The following MEGF8 variants were observed in gnomAD, a reference collection of about 807,000 sequenced individuals.
The protein encoded by MEGF8 is multiple epidermal growth factor-like domains protein 8.
Under a neutral mutation model 302.9 loss-of-function variants are expected in MEGF8, and 156 were observed. That is an observed-to-expected ratio of 0.52 (90% confidence interval 0.45 to 0.59). The LOEUF is 0.59. Among genes scored for constraint, MEGF8 ranks in the 20% least tolerant of loss-of-function variants. The pLI, the probability that MEGF8 is intolerant of heterozygous loss-of-function variation, is 0.00. For missense variants in MEGF8, 3,345 were observed against 3,964.5 expected, an observed-to-expected ratio of 0.84 and a Z score of 4.20; for synonymous variants, 1,621 against 1,660.5, an observed-to-expected ratio of 0.98 and a Z score of 0.58.
At chr19:42,335,667 G>A (rs969320152) in intron 5 of MEGF8, among the ~76,000 whole-genome samples, 1 of 152,002 alleles carries the variant, frequency 6.6e-6, no homozygotes, top group Admixed American at 6.6e-5. Context: ...CTCTGTTTCT[G>A]TGTCTCCATC....
In MEGF8 at chr19:42,336,904, C is replaced by T. The variant is rs397514621; in HGVS notation, c.1342C>T (p.Arg448Ter). ...GRDGLQGPRE[R>*]AFHTASVLGN... ...GGATGGGCTTCAGGGCCCAAGGGAG[C>T]GAGCCTTCCACACAGCCAGTGTTCT... Residue 448 changes from arginine to a stop codon, truncating the protein, a stop_gained, in exon 7 of 42, where the codon CGA (arginine) becomes TGA (stop). Transcript: ENST00000251268. LOFTEE classifies it high-confidence loss of function. The surrounding 1 kb of genome is among the most constrained non-coding windows in gnomAD (Gnocchi z 4.8). The T allele has an allele frequency of 3.7e-6, 6 of 1,613,440 alleles. No homozygotes were observed. The highest frequency in any genetic ancestry group is 2.2e-5 in the East Asian group (1 of 44,882).
intron 1 of MEGF8, among the ~76,000 whole-genome samples, chr19:42,326,647 A>G (rs1050902968): frequency 2.6e-5 from 4 of 151,936 alleles, no homozygotes; most frequent in Non-Finnish European, 4.4e-5. Context: ...ATTACAAGAC[A>G]GGAGCATCAG....
chr19:42,350,539 T>C (rs528522240), intron 15 of MEGF8, among the ~76,000 whole-genome samples, 155 bp downstream of exon 15: 2 of 152,192 alleles, frequency 1.3e-5, no homozygotes, highest in South Asian at 2.1e-4. Context: ...GATGGAGCTG[T>C]AGAGAGAGGC....
At position 42,353,208 on chromosome 19, in the gene MEGF8, G is replaced by A; in HGVS notation, c.3550+81G>A. The A allele has an allele frequency of 1.5e-6, 2 of 1,344,796 alleles. No homozygotes were observed. Among genetic ancestry groups the A allele is most frequent in the Non-Finnish European group, 2.0e-6 (2 of 999,402 alleles). The allele number at this position is 1,344,796 out of a possible 1,614,324, so 83.3% of individuals were successfully genotyped here. ...GGGGCTCCAGTTTGCTCTTCTTGGA[G>A]GGGGCCTCAGTGTCCTCTCATGCAG... is the stretch of plus-strand genomic sequence containing the variant. On this transcript the variant is annotated intron_variant, in intron 20 of 41. Coordinates refer to ENST00000251268, the MANE Select transcript of MEGF8 (RefSeq NM_001271938.2). The surrounding 1 kb of genome is among the most constrained non-coding windows in gnomAD (Gnocchi z 6.1).
At chr19:42,341,912 C>T (rs548095892) in intron 8 of MEGF8, among the ~76,000 whole-genome samples, 65 of 152,198 alleles carry the variant, frequency 4.3e-4, no homozygotes, top group Non-Finnish European at 7.3e-4. Context: ...GCAAGTTGGG[C>T]GTATCACTTC....
chr19:42,335,561 T>C (rs958785978), intron 5 of MEGF8, among the ~76,000 whole-genome samples, 176 bp downstream of exon 5: 2 of 152,164 alleles, frequency 1.3e-5, no homozygotes, highest in Non-Finnish European at 2.9e-5. Context: ...TTCTTCCTCT[T>C]CCTTTATCTG....
At position 42,344,965 on chromosome 19, in the gene MEGF8, A is replaced by G; in HGVS notation, c.2097+132A>G. ...TACATTCAAGGGTCTTATTTTCCTT[A>G]TGGACTTTATTTTTTATTTTTTTTG... On this transcript the variant is annotated intron_variant, in intron 12 of 41. Coordinates refer to ENST00000251268, the MANE Select transcript of MEGF8 (RefSeq NM_001271938.2). The surrounding 1 kb of genome is among the most constrained non-coding windows in gnomAD (Gnocchi z 4.5). 3 of 1,022,368 alleles carry G rather than the reference A, an allele frequency of 2.9e-6. No individual in the cohort carries two copies. The highest frequency in any genetic ancestry group is 4.0e-6 in the Non-Finnish European group (3 of 758,454). The allele number at this position is 1,022,368 out of a possible 1,614,324, so 63.3% of individuals were successfully genotyped here. A position where few individuals can be genotyped will look rare whatever the true frequency, so the allele number is the denominator to read the frequency against.
chr19:42,361,982 G>A, intron 32 of MEGF8, 108 bp from the exon 33 acceptor site: 1 of 1,494,650 alleles, frequency 6.7e-7, no homozygotes, highest in Non-Finnish European at 9.0e-7. Flanking sequence ...GGAGGCCTGT[G>A]CTATGTCCAG....
Position 42,376,337 on chromosome 19 carries a change from C to T in MEGF8, c.8100C>T (p.Val2700=), listed in dbSNP as rs1411306318. 1 of 1,613,662 alleles carries T rather than the reference C, an allele frequency of 6.2e-7. No individual in the cohort carries two copies. Among genetic ancestry groups the T allele is most frequent in the East Asian group, 2.2e-5 (1 of 44,882 alleles). Residue 2700 remains valine (V), a synonymous_variant, in exon 42 of 42, where the codon GTC becomes GTT. Transcript: ENST00000251268. This position sits in a 1 kb window ranked among gnomAD's most constrained non-coding sequence, Gnocchi z 8.2. Reference sequence around the variant, plus strand: ...TGGCCAGCCGCCCCTTCGCCAAGGTCACCGTCTGCTTCCCACCTGACCCTA... The same window carrying T: ...TGGCCAGCCGCCCCTTCGCCAAGGTTACCGTCTGCTTCCCACCTGACCCTA... The part of the protein sequence containing the change: ...TKMASRPFAK[V]TVCFPPDPTA...
Position 42,326,392 on chromosome 19 carries a change from AC to A in MEGF8, c.150del (p.Tyr51ThrfsTer52). The A allele has an allele frequency of 6.3e-7, 1 of 1,580,320 alleles. No individual in the cohort carries two copies. Among genetic ancestry groups the A allele is most frequent in the Non-Finnish European group, 8.6e-7 (1 of 1,166,426 alleles). On this transcript the variant is annotated frameshift_variant, in exon 1 of 42. Transcript: ENST00000251268. LOFTEE classifies it high-confidence loss of function. ...APGFVTDGAG[N>X]YSVNGNCEWL... ...GGCTTCGTGACGGATGGTGCGGGCA[AC>A]TACAGCGTCAATGGCAACTGCGAGT... is the stretch of plus-strand genomic sequence containing the variant.
intron 35 of MEGF8, among the ~76,000 whole-genome samples, chr19:42,366,138 C>T (rs1003243877): frequency 6.6e-6 from 1 of 152,128 alleles, no homozygotes; most frequent in Non-Finnish European, 1.5e-5. Flanking sequence ...ACATAATAGG[C>T]GTGCAGGTGA....
At chr19:42,333,554 G>A (rs112356831) in intron 1 of MEGF8, 51 bp from the exon 2 acceptor site, 19 of 1,569,786 alleles carry the variant, frequency 1.2e-5, no homozygotes, top group African/African-American at 8.1e-5. Flanking sequence ...GCAGGGAGGT[G>A]TGGGGAGAAG....
intron 15 of MEGF8, among the ~76,000 whole-genome samples, chr19:42,350,611 A>G (rs1378046568): frequency 6.6e-6 from 1 of 152,076 alleles, no homozygotes; most frequent in Non-Finnish European, 1.5e-5. Context: ...ATCCTTTTCC[A>G]CTAGCGGGGA....
chr19:42,330,786 A>C (rs1301164148), intron 1 of MEGF8, among the ~76,000 whole-genome samples: 1 of 152,052 alleles, frequency 6.6e-6, no homozygotes, highest in African/African-American at 2.4e-5. Context: ...GGATGTGAGA[A>C]CCCTGGAGAG....
In MEGF8 at chr19:42,336,045, A is replaced by G. The variant is rs745445494; in HGVS notation, c.943A>G (p.Arg315Gly). The G allele has an allele frequency of 5.1e-6, 8 of 1,578,672 alleles. 1 individual carries two copies. The South Asian group carries it at 9.1e-5, about 18-fold the overall frequency. Residue 315 changes from arginine to glycine, a missense_variant, in exon 6 of 42, where the codon AGG (arginine) becomes GGG (glycine). Transcript: ENST00000251268. The surrounding 1 kb of genome is among the most constrained non-coding windows in gnomAD (Gnocchi z 4.8). Reference sequence around the variant, plus strand: ...CGTGTGGGCCTTCAGTCCACTGGGCAGGGGCCACTGGGAGCTCCTGGCACC... The same window carrying G: ...CGTGTGGGCCTTCAGTCCACTGGGCGGGGGCCACTGGGAGCTCCTGGCACC... ...NDVWAFSPLG[R>G]GHWELLAPPA... is the part of the protein sequence containing the mutation.
rs369371879 is a variant in MEGF8, at chr19:42,344,294, C to T, written c.1789-147C>T. 1.7e-5 allele frequency: 20 copies of T among 1,177,436 alleles called. No individual in the cohort carries two copies. Among genetic ancestry groups the T allele is most frequent in the Admixed American group, 1.1e-4 (4 of 37,018 alleles). 72.9% of individuals were successfully genotyped at this position (1,177,436 alleles called of 1,614,324 possible). A position where few individuals can be genotyped will look rare whatever the true frequency, so the allele number is the denominator to read the frequency against. ...GTGACCCCATCCCCGCATCCCCCGT[C>T]CTCTGGATCTCCCACATTCCAAGTC... is the stretch of plus-strand genomic sequence containing the variant. On this transcript the variant is annotated intron_variant, in intron 10 of 41. Transcript: ENST00000251268. The surrounding 1 kb of genome is among the most constrained non-coding windows in gnomAD (Gnocchi z 4.5).
intron 8 of MEGF8, among the ~76,000 whole-genome samples, chr19:42,343,022 C>T (rs189614011): frequency 6.6e-6 from 1 of 152,268 alleles, no homozygotes; most frequent in East Asian, 1.9e-4. Context: ...CAGGCGCTAT[C>T]ACCAGAAGAG....
chr19:42,350,260 C>T lies in MEGF8; in HGVS notation c.2612C>T (p.Thr871Ile), dbSNP rs2039348880. The T allele has an allele frequency of 1.2e-6, 2 of 1,611,966 alleles. No homozygotes were observed. Among genetic ancestry groups the T allele is most frequent in the Admixed American group, 3.3e-5 (2 of 60,006 alleles). Residue 871 changes from threonine (T) to isoleucine (I), a missense_variant, in exon 15 of 42, where the codon ACC becomes ATC. Coordinates refer to ENST00000251268, the MANE Select transcript of MEGF8 (RefSeq NM_001271938.2). Reference sequence around the variant, plus strand: ...TGTGGCTGGTGCCTGACCAGTGCCACCTGCCACCTGCGCCAGGGCGGAGCC... The same window carrying T: ...TGTGGCTGGTGCCTGACCAGTGCCATCTGCCACCTGCGCCAGGGCGGAGCC... ...QGCGWCLTSA[T>I]CHLRQGGAHC...
In MEGF8 at chr19:42,368,601, C is replaced by CT. The variant is rs1314210001; in HGVS notation, c.6421dup (p.Trp2141LeufsTer20). Reference sequence around the variant, plus strand: ...GGCGCCCCCATTGCGGCTGGTGTGCCTGGGGGGGCCAGGATGGGGGTGGCC... The same window carrying CT: ...GGCGCCCCCATTGCGGCTGGTGTGCCTTGGGGGGGCCAGGATGGGGGTGGCC... On this transcript the variant is annotated frameshift_variant, in exon 36 of 42. Coordinates refer to ENST00000251268, the MANE Select transcript of MEGF8 (RefSeq NM_001271938.2). LOFTEE classifies it high-confidence loss of function. The surrounding 1 kb of genome is among the most constrained non-coding windows in gnomAD (Gnocchi z 4.9). 1 of 1,572,828 alleles carries CT rather than the reference C, an allele frequency of 6.4e-7. No individual in the cohort carries two copies. The highest frequency in any genetic ancestry group is 8.6e-7 in the Non-Finnish European group (1 of 1,159,972).
Sources: gnomAD v4.1 joint callset for allele counts (sites outside exome capture counted in the v4.1 genomes callset) on GRCh38, gnomAD v4.1.1 for gene constraint, Gnocchi (gnomAD v3.1) non-coding constraint, MANE v1.5 for transcripts, NCBI Gene and HGNC (gene_info 2026-07-23, HGNC 2026-07-21) for gene names.